The following ABCB11 variants were observed in gnomAD, a reference collection of about 807,000 sequenced individuals.
ABCB11 encodes the protein ATP binding cassette subfamily B member 11, also known as bile salt export pump.
In ABCB11, 95 loss-of-function variants were observed where a neutral mutation model predicts 148.0. The ratio of observed to expected loss-of-function variants is 0.64; its 90% confidence interval spans 0.54 to 0.76. The LOEUF (loss-of-function observed/expected upper bound fraction) is 0.76, where lower values mean the gene tolerates loss of function less well. ABCB11 is among the 30% of genes least tolerant of loss of function. The probability of loss-of-function intolerance (pLI) is 0.00; values close to 1 mark genes in which losing one functional copy is unlikely to be tolerated. For synonymous variants in ABCB11, 591 were observed against 555.4 expected (o/e 1.06, Z -0.90); for missense variants, 1,523 against 1,617.8 (o/e 0.94, Z 1.01).
At chr2:169,009,296 C>G (rs1342183098) in intron 5 of ABCB11, among the ~76,000 whole-genome samples, 2 of 152,024 alleles carry the variant, frequency 1.3e-5, no homozygotes, top group Admixed American at 1.3e-4. Flanking sequence ...TATTGTGGCA[C>G]TATTCACAAT....
chr2:169,025,481 A>G (rs866796183), intron 1 of ABCB11, among the ~76,000 whole-genome samples: 1 of 152,160 alleles, frequency 6.6e-6, no homozygotes, highest in Non-Finnish European at 1.5e-5. Flanking sequence ...CTTCAAGCTT[A>G]AAGACCGAGT....
chr2:168,957,988 G>T lies in ABCB11; in HGVS notation c.2319C>A (p.Ala773=). 1 of 1,592,312 alleles carries T rather than the reference G, an allele frequency of 6.3e-7. No homozygotes were observed. Among genetic ancestry groups the T allele is most frequent in the African/African-American group, 1.3e-5 (1 of 74,534 alleles). ...CCCCAAGAATCTGGCTGAATAAAAA[G>T]GCATACAAGGGTGTGACTGTCCCGT... ...AVNGTVTPLY[A]FLFSQILGTF... The change falls in exon 19 of 28, where the codon GCC becomes GCA. Residue 773 remains alanine, a synonymous_variant. Coordinates refer to ENST00000650372, the MANE Select transcript of ABCB11 (RefSeq NM_003742.4).
At chr2:168,929,954 A>G (rs1293593120) in intron 25 of ABCB11, among the ~76,000 whole-genome samples, 1 of 152,202 alleles carries the variant, frequency 6.6e-6, no homozygotes, top group Non-Finnish European at 1.5e-5. Flanking sequence ...ATCAAAAAAC[A>G]TCAAGTGGTC....
intron 8 of ABCB11, among the ~76,000 whole-genome samples, chr2:168,993,078 G>A (rs1273879899): frequency 1.3e-5 from 2 of 151,944 alleles, no homozygotes; most frequent in Non-Finnish European, 2.9e-5. Flanking sequence ...CTGGGGAACC[G>A]AGACAGTGAC....
intron 19 of ABCB11, among the ~76,000 whole-genome samples, chr2:168,945,634 G>A (rs1411295616): frequency 1.4e-5 from 2 of 145,798 alleles, no homozygotes. Context: ...GGGAGGGAAG[G>A]AGAGAGGGAG....
chr2:168,964,376 C>T, intron 17 of ABCB11, 68 bp from the exon 18 acceptor site: 2 of 1,217,986 alleles, frequency 1.6e-6, no homozygotes, highest in Non-Finnish European at 2.3e-6. Context: ...AACTGGTGTC[C>T]AAGTTTACAT....
At chr2:168,992,177 G>A (rs914444076) in intron 8 of ABCB11, among the ~76,000 whole-genome samples, 10 of 151,968 alleles carry the variant, frequency 6.6e-5, no homozygotes, top group African/African-American at 2.4e-4. Flanking sequence ...AGCATACACA[G>A]ACTTGAAAGC....
chr2:169,005,570 T>G (rs1255071881), intron 5 of ABCB11, among the ~76,000 whole-genome samples: 4 of 152,094 alleles, frequency 2.6e-5, no homozygotes. Flanking sequence ...ACAACAGCAC[T>G]GAATCTATTT....
chr2:169,023,761 C>T, intron 1 of ABCB11, among the ~76,000 whole-genome samples: 1 of 152,238 alleles, frequency 6.6e-6, no homozygotes, highest in East Asian at 1.9e-4. Flanking sequence ...TTACCTGAAA[C>T]TGATAAGCAC....
intron 2 of ABCB11, among the ~76,000 whole-genome samples, chr2:169,017,548 A>C (rs936365170): frequency 5.3e-5 from 8 of 152,288 alleles, no homozygotes; most frequent in Non-Finnish European, 7.4e-5. Flanking sequence ...AGTTTCAAAA[A>C]CATATCCAAG....
At chr2:168,925,195 C>A (rs769464763) in intron 26 of ABCB11, among the ~76,000 whole-genome samples, 1 of 152,134 alleles carries the variant, frequency 6.6e-6, no homozygotes, top group Non-Finnish European at 1.5e-5. Context: ...ATGTCTTTTG[C>A]GAGATCTTCT....
intron 21 of ABCB11, 75 bp from the exon 22 acceptor site, chr2:168,936,508 A>T: frequency 5.1e-6 from 7 of 1,362,130 alleles, no homozygotes; most frequent in African/African-American, 1.4e-5. Flanking sequence ...CAAAAAGGTC[A>T]GACCTTTTAT....
chr2:168,963,439 A>G (rs1029998983), intron 18 of ABCB11, among the ~76,000 whole-genome samples: 1 of 151,750 alleles, frequency 6.6e-6, no homozygotes, highest in Non-Finnish European at 1.5e-5. Context: ...GAATGAACGT[A>G]AAAGTATCAG....
intron 5 of ABCB11, among the ~76,000 whole-genome samples, chr2:169,006,625 T>C (rs1257415567): frequency 6.6e-6 from 1 of 152,098 alleles, no homozygotes; most frequent in African/African-American, 2.4e-5. Flanking sequence ...TATAGTTATT[T>C]CTATTTGCAG....
intron 19 of ABCB11, among the ~76,000 whole-genome samples, chr2:168,954,312 C>T (rs1259635471): frequency 6.6e-6 from 1 of 150,798 alleles, no homozygotes; most frequent in Non-Finnish European, 1.5e-5. Context: ...TTTATATGAA[C>T]TGTGAGTTTT....
At chr2:168,924,446 A>G (rs1227695053) in intron 27 of ABCB11, among the ~76,000 whole-genome samples, 1 of 152,218 alleles carries the variant, frequency 6.6e-6, no homozygotes, top group East Asian at 1.9e-4. Context: ...TCTTAAAAAC[A>G]ATTCTTATTT....
At chr2:168,968,623 C>T (rs1693422037) in intron 16 of ABCB11, 133 bp from the exon 17 acceptor site, 4 of 741,782 alleles carry the variant, frequency 5.4e-6, no homozygotes, top group Non-Finnish European at 8.3e-6. Flanking sequence ...AACTTTATTG[C>T]AATAAATAAA....
At chr2:168,979,095 A>G (rs527453313) in intron 11 of ABCB11, among the ~76,000 whole-genome samples, 1 of 152,218 alleles carries the variant, frequency 6.6e-6, no homozygotes, top group Non-Finnish European at 1.5e-5. Flanking sequence ...CCTTTTTGCC[A>G]TATTTAGAAG....
rs139641883 is a variant in ABCB11 at position 168,995,461 on chromosome 2, C to T, written c.499G>A (p.Ala167Thr). Residue 167 changes from alanine to threonine, a missense_variant, in exon 7 of 28, where the codon GCA becomes ACA. By Grantham distance (58) the Ala-to-Thr change is moderately conservative (BLOSUM62 0). Coordinates refer to ENST00000650372, the MANE Select transcript of ABCB11 (RefSeq NM_003742.4). ...YIQICFWVIA[A>T]ARQIQKMRKF... is the part of the protein sequence containing the mutation. ...CTCATTTTCTGTATCTGACGAGCTG[C>T]GGCAATGACCCAAAAGCATATCTGG... 38 of 1,611,410 alleles carry T rather than the reference C, an allele frequency of 2.4e-5. No homozygotes were observed. Among genetic ancestry groups the T allele is most frequent in the East Asian group, 4.5e-5 (2 of 44,752 alleles).
Sources: allele counts gnomAD v4.1 joint callset (sites outside exome capture counted in the v4.1 genomes callset), GRCh38; gene constraint gnomAD v4.1.1; transcripts MANE v1.5; gene names NCBI Gene and HGNC (gene_info 2026-07-23, HGNC 2026-07-21).